Variants in MYO10 observed in about 807,000 individuals in gnomAD.
MYO10 encodes unconventional myosin-X.
Under a neutral mutation model 257.3 loss-of-function variants are expected in MYO10, and 133 were observed. The ratio of observed to expected loss-of-function variants is 0.52; its 90% CI spans 0.45 to 0.60. The LOEUF is 0.60. Among genes scored for constraint, MYO10 ranks in the 20% least tolerant of loss-of-function variants. The pLI is 0.00. For missense variants in MYO10, 2,399 were observed against 2,635.7 expected, an observed-to-expected ratio of 0.91 and a Z score of 1.97; for synonymous variants, 1,104 against 1,028.6, an observed-to-expected ratio of 1.07 and a Z score of -1.40.
chr5:16,934,030 G>A (rs1445864095), intron 1 of MYO10, among the ~76,000 whole-genome samples: 2 of 152,222 alleles, frequency 1.3e-5, no homozygotes, highest in Non-Finnish European at 2.9e-5. Flanking sequence ...ACAAAATGAA[G>A]AGGAGAAAGT....
chr5:16,682,084 G>A, intron 30 of MYO10, 71 bp from the exon 31 acceptor site: 1 of 1,533,578 alleles, frequency 6.5e-7, no homozygotes, highest in Non-Finnish European at 8.8e-7. Context: ...TGTGAACCGA[G>A]ACTCAGTGCC....
intron 9 of MYO10, among the ~76,000 whole-genome samples, chr5:16,770,513 A>T (rs1196023837): frequency 6.6e-6 from 1 of 152,168 alleles, no homozygotes; most frequent in Non-Finnish European, 1.5e-5. Context: ...CTGATTTTCT[A>T]CTGTGACTGA....
At chr5:16,748,330 C>T (rs930303319) in intron 19 of MYO10, among the ~76,000 whole-genome samples, 4 of 152,188 alleles carry the variant, frequency 2.6e-5, no homozygotes, top group South Asian at 2.1e-4. Flanking sequence ...CTGCAACCTA[C>T]ACCTCCTGGG....
At chr5:16,682,367 G>A (rs1034104600) in intron 30 of MYO10, among the ~76,000 whole-genome samples, 4 of 152,068 alleles carry the variant, frequency 2.6e-5, no homozygotes, top group African/African-American at 4.8e-5. Flanking sequence ...CCTGCCTTGG[G>A]TAATATTTCT....
rs77539747 is a variant in MYO10, at chr5:16,766,365, A to C, written c.1061-167T>G. On this transcript the variant is annotated intron_variant, in intron 10 of 40. Transcript: ENST00000513610. ...CCTTAGTGAATCCTAGATTAGTAGC[A>C]TAGAGCCTCGTGCTTGGACGAAGTG... 4.3e-3 allele frequency among the ~76,000 whole-genome samples: 648 copies of C among 152,332 alleles called. 5 individuals are homozygous for C. The highest frequency in any genetic ancestry group is 0.015 in the African/African-American group (619 of 41,560).
chr5:16,745,078 G>A (rs769616563), intron 19 of MYO10, among the ~76,000 whole-genome samples: 2 of 152,174 alleles, frequency 1.3e-5, no homozygotes, highest in South Asian at 2.1e-4. Flanking sequence ...GGTAGCTCAC[G>A]CCGGTAATCC....
Position 16,728,819 on chromosome 5 carries a change from G to A in MYO10, c.1930-17574C>T, listed in dbSNP as rs564193095. Among the ~76,000 whole-genome samples, 8 of 152,310 alleles carry A rather than the reference G, an allele frequency of 5.3e-5. No homozygotes were observed. In the South Asian group the frequency reaches 1.2e-3, roughly 24 times the overall value. ...CGTGACTCCAAGTGTGGCCTGGGAC[G>A]GCTGCCTGTCCATGGCAAGATGGCC... On this transcript the variant is annotated intron_variant, in intron 19 of 40. Coordinates refer to ENST00000513610, the MANE Select transcript of MYO10 (RefSeq NM_012334.3).
Position 16,818,086 on chromosome 5 carries a change from T to C in MYO10, c.202A>G (p.Met68Val). ...CCATGGAGCTCTGTCAAGGACGCCA[T>C]GTCATCCACGCCCTCCTCGTTCGTG... ...HPTNEEGVDD[M>V]ASLTELHGGS... The change falls in exon 3 of 41, where the codon ATG becomes GTG. Residue 68 changes from methionine (M) to valine (V), a missense_variant. Transcript: ENST00000513610. 1 of 1,612,026 alleles carries C rather than the reference T, an allele frequency of 6.2e-7. No homozygotes were observed. Among genetic ancestry groups the C allele is most frequent in the East Asian group, 2.2e-5 (1 of 44,834 alleles).
intron 21 of MYO10, among the ~76,000 whole-genome samples, chr5:16,706,517 T>C (rs887655498): frequency 2.0e-5 from 3 of 152,190 alleles, no homozygotes; most frequent in Admixed American, 1.3e-4. Context: ...ACTCTAATGC[T>C]TTTGCTCTTA....
intron 2 of MYO10, among the ~76,000 whole-genome samples, chr5:16,830,679 G>GCACATACACACACACACTCA (rs1743137417): frequency 6.7e-6 from 1 of 148,920 alleles, no homozygotes; most frequent in East Asian, 2.0e-4. Context: ...TTTTTAATAG[G>GCACATACACACACACACTCA]CACACACACA....
At chr5:16,746,771 G>C (rs1002299994) in intron 19 of MYO10, among the ~76,000 whole-genome samples, 6 of 152,200 alleles carry the variant, frequency 3.9e-5, no homozygotes, top group Non-Finnish European at 7.3e-5. Flanking sequence ...ATTGTGCTCT[G>C]CTGTAATCGG....
chr5:16,764,638 A>C (rs1740811859), intron 11 of MYO10, among the ~76,000 whole-genome samples: 1 of 152,232 alleles, frequency 6.6e-6, no homozygotes, highest in African/African-American at 2.4e-5. Flanking sequence ...CTATGCTGTT[A>C]TACAAAAGAA....
chr5:16,719,988 G>A (rs913883966), intron 19 of MYO10, among the ~76,000 whole-genome samples: 1 of 98,986 alleles, frequency 1.0e-5, no homozygotes, highest in Non-Finnish European at 1.8e-5. Context: ...GTGTGTGCGT[G>A]CGTGTGTGTG....
At chr5:16,862,153 A>G (rs1383097288) in intron 2 of MYO10, among the ~76,000 whole-genome samples, 2 of 152,212 alleles carry the variant, frequency 1.3e-5, no homozygotes, top group African/African-American at 4.8e-5. Flanking sequence ...GACCACGGGA[A>G]GAATGGGATT....
chr5:16,761,064 C>T (rs1740698419), intron 17 of MYO10, among the ~76,000 whole-genome samples: 1 of 152,016 alleles, frequency 6.6e-6, no homozygotes, highest in Admixed American at 6.6e-5. Flanking sequence ...AATCTTGGGT[C>T]ACTGCAACCT....
chr5:16,901,207 A>C (rs1446030189), intron 1 of MYO10, among the ~76,000 whole-genome samples: 1 of 151,992 alleles, frequency 6.6e-6, no homozygotes, highest in Non-Finnish European at 1.5e-5. Context: ...TTTGCCAGCA[A>C]CACCAATGCA....
intron 1 of MYO10, among the ~76,000 whole-genome samples, chr5:16,929,372 AT>A (rs1561065586): frequency 6.6e-6 from 1 of 152,190 alleles, no homozygotes. Context: ...AAATCATTTA[AT>A]AACTGCCCAC....
At position 16,780,506 on chromosome 5, in the gene MYO10, A is replaced by C; in HGVS notation, c.826+18T>G. 1 of 1,547,416 alleles carries C rather than the reference A, an allele frequency of 6.5e-7. No individual in the cohort carries two copies. Among genetic ancestry groups the C allele is most frequent in the Non-Finnish European group, 8.8e-7 (1 of 1,136,596 alleles). On this transcript the variant is annotated intron_variant, in intron 8 of 40. Coordinates refer to ENST00000513610, the MANE Select transcript of MYO10 (RefSeq NM_012334.3). Reference sequence around the variant, plus strand: ...AATGAGTTGCTAGTCCACATTATCCAGCTGTCGTCCCACTCACCTCTTTCT... The same window carrying C: ...AATGAGTTGCTAGTCCACATTATCCCGCTGTCGTCCCACTCACCTCTTTCT...
intron 2 of MYO10, among the ~76,000 whole-genome samples, chr5:16,853,102 G>A (rs145444580): frequency 0.013 from 2,018 of 152,226 alleles, 25 homozygotes; most frequent in South Asian, 0.026. Context: ...CGGGCGCGGC[G>A]GCTCACGCCT....
Sources: gnomAD v4.1 joint callset for allele counts (sites outside exome capture counted in the v4.1 genomes callset) on GRCh38, gnomAD v4.1.1 for gene constraint, MANE v1.5 for transcripts, NCBI Gene and HGNC (gene_info 2026-07-23, HGNC 2026-07-21) for gene names.